TMEM248: variants seen among roughly 807,000 people sequenced by gnomAD.
TMEM248 encodes the protein UPF0458 protein C7orf42.
TMEM248 carries 9 observed loss-of-function variants against 30.3 expected under a neutral mutation model. That is an observed-to-expected ratio of 0.30 (90% confidence interval 0.18 to 0.52). TMEM248 has a LOEUF of 0.52. Among genes scored for constraint, TMEM248 ranks in the 20% least tolerant of loss-of-function variants. The pLI is 0.97. For synonymous variants in TMEM248, 184 were observed against 154.4 expected (o/e 1.19, Z -1.42); for missense variants, 338 against 403.3 (o/e 0.84, Z 1.39).
At position 66,956,484 on chromosome 7, in the gene TMEM248, T is replaced by C. The variant is rs1792406657; in HGVS notation, c.*962T>C. 6.6e-6 allele frequency: 1 copy of C among 152,222 alleles called. No homozygotes were observed. The highest frequency in any genetic ancestry group is 2.4e-5 in the African/African-American group (1 of 41,442). The allele number at this position is 152,222 out of a possible 1,614,324, so 9.4% of individuals were successfully genotyped here. ...TATCTAATAGGAAAGGATTTCTTCT[T>C]TCTTTTTTAAAGAGTGGGTGGATTT... On this transcript the variant is annotated 3_prime_UTR_variant, in exon 7 of 7. Coordinates refer to ENST00000341567, the MANE Select transcript of TMEM248 (RefSeq NM_017994.5).
chr7:66,926,309 A>C (rs1035032195), intron 1 of TMEM248, among the ~76,000 whole-genome samples: 2 of 152,218 alleles, frequency 1.3e-5, no homozygotes, highest in African/African-American at 4.8e-5. Context: ...CAGTAGCAAG[A>C]AAACAAAAAA....
At chr7:66,951,780 C>T (rs575997041) in intron 5 of TMEM248, among the ~76,000 whole-genome samples, 6 of 152,130 alleles carry the variant, frequency 3.9e-5, no homozygotes, top group African/African-American at 1.4e-4. Flanking sequence ...TGGGCTCAAG[C>T]TTCCCAAGTG....
chr7:66,951,058 C>T lies in TMEM248; in HGVS notation c.703C>T (p.Pro235Ser), dbSNP rs868859750. 1 of 1,612,946 alleles carries T rather than the reference C, an allele frequency of 6.2e-7. No homozygotes were observed. The highest frequency in any genetic ancestry group is 8.5e-7 in the Non-Finnish European group (1 of 1,179,694). ...ANTKYAQDYN[P>S]FWCYKGAIGK... ...CACAAAATACGCCCAAGATTACAAT[C>T]CTTTCTGGTGTTATAAGGGGGCCAT... Residue 235 changes from proline to serine, a missense_variant, in exon 5 of 7, where the codon CCT becomes TCT. Transcript: ENST00000341567.
chr7:66,942,058 G>A (rs1398402563), intron 2 of TMEM248, 34 bp downstream of exon 2: 1 of 1,602,888 alleles, frequency 6.2e-7, no homozygotes, highest in Admixed American at 1.7e-5. Context: ...CGGGCTGGCT[G>A]GTCCTTGTGC....
chr7:66,952,861 C>G (rs1239710430), intron 5 of TMEM248, among the ~76,000 whole-genome samples: 2 of 152,176 alleles, frequency 1.3e-5, no homozygotes, highest in Non-Finnish European at 2.9e-5. Flanking sequence ...TGAGGGCAGT[C>G]TTGTGACGAG....
At chr7:66,946,708 C>T (rs866956891) in intron 3 of TMEM248, among the ~76,000 whole-genome samples, 2 of 152,152 alleles carry the variant, frequency 1.3e-5, no homozygotes, top group African/African-American at 4.8e-5. Context: ...GGAAATGCTA[C>T]GTAAGTGCTT....
intron 4 of TMEM248, among the ~76,000 whole-genome samples, chr7:66,949,710 T>C (rs981233864): frequency 6.6e-5 from 10 of 152,224 alleles, no homozygotes; most frequent in African/African-American, 2.2e-4. Flanking sequence ...CAAATATAAA[T>C]TGAACTTTAT....
intron 1 of TMEM248, among the ~76,000 whole-genome samples, chr7:66,930,195 C>T (rs540364015): frequency 9.9e-5 from 15 of 152,280 alleles, no homozygotes; most frequent in African/African-American, 3.1e-4. Context: ...AGGTAAATGA[C>T]GGTGTTTTTC....
intron 1 of TMEM248, among the ~76,000 whole-genome samples, chr7:66,939,748 G>A (rs1417408392): frequency 6.6e-6 from 1 of 152,098 alleles, no homozygotes. Context: ...CAATATAAAG[G>A]AAATAAAGCA....
intron 1 of TMEM248, among the ~76,000 whole-genome samples, chr7:66,936,644 T>C (rs908729249): frequency 2.6e-5 from 4 of 152,186 alleles, no homozygotes; most frequent in African/African-American, 9.6e-5. Flanking sequence ...AGTTCTTCTT[T>C]TAGTGTTTGG....
At chr7:66,943,333 C>T (rs562429156) in intron 2 of TMEM248, among the ~76,000 whole-genome samples, 1 of 152,356 alleles carries the variant, frequency 6.6e-6, no homozygotes, top group South Asian at 2.1e-4. Flanking sequence ...GGATAATTAG[C>T]CCTTAATAAT....
At chr7:66,925,784 G>C (rs1280695235) in intron 1 of TMEM248, among the ~76,000 whole-genome samples, 1 of 150,982 alleles carries the variant, frequency 6.6e-6, no homozygotes, top group Non-Finnish European at 1.5e-5. Context: ...TGAGATTACA[G>C]GTGCACGCCA....
chr7:66,945,371 G>A (rs555891504), intron 3 of TMEM248, 110 bp downstream of exon 3: 30 of 1,248,024 alleles, frequency 2.4e-5, no homozygotes, highest in South Asian at 8.7e-5. Flanking sequence ...GTAGTCTTGC[G>A]CGTGTCTTTT....
At chr7:66,932,427 T>C (rs10235334) in intron 1 of TMEM248, among the ~76,000 whole-genome samples, 1 of 152,116 alleles carries the variant, frequency 6.6e-6, no homozygotes, top group African/African-American at 2.4e-5. Flanking sequence ...GTAAAGCGCC[T>C]TCTGTTGGTT....
intron 1 of TMEM248, among the ~76,000 whole-genome samples, chr7:66,938,411 C>G (rs1791859850): frequency 6.6e-6 from 1 of 151,966 alleles, no homozygotes; most frequent in African/African-American, 2.4e-5. Context: ...GTGAATATAC[C>G]AAAAATCATT....
rs907764591 is a variant in TMEM248 at position 66,948,649 on chromosome 7, C to T, written c.551C>T (p.Ala184Val). The change falls in exon 4 of 7, where the codon GCC becomes GTC. Residue 184 changes from alanine to valine, a missense_variant. Ala to Val is a moderately conservative substitution (Grantham distance 64). Coordinates refer to ENST00000341567, the MANE Select transcript of TMEM248 (RefSeq NM_017994.5). Reference sequence around the variant, plus strand: ...CACTGTGAGCAGGTGGTATTCACAGCCTGCATGACCCTCACGGCCAGCCCT... The same window carrying T: ...CACTGTGAGCAGGTGGTATTCACAGTCTGCATGACCCTCACGGCCAGCCCT... ...HGHCEQVVFT[A>V]CMTLTASPGV... 3.2e-5 allele frequency: 52 copies of T among 1,613,922 alleles called. No homozygotes were observed. Among genetic ancestry groups the T allele is most frequent in the Non-Finnish European group, 4.0e-5 (47 of 1,179,926 alleles).
chr7:66,950,069 A>G (rs1792220663), intron 4 of TMEM248, among the ~76,000 whole-genome samples: 1 of 152,178 alleles, frequency 6.6e-6, no homozygotes, highest in East Asian at 1.9e-4. Context: ...TAACTAAGTG[A>G]TATGCTTTGG....
intron 2 of TMEM248, among the ~76,000 whole-genome samples, chr7:66,944,695 A>G (rs547020031): frequency 3.3e-5 from 5 of 152,214 alleles, no homozygotes; most frequent in Non-Finnish European, 7.3e-5. Context: ...ATTTTTTAAA[A>G]AGATTTTCTT....
intron 1 of TMEM248, among the ~76,000 whole-genome samples, chr7:66,931,954 G>A (rs1171842652): frequency 1.3e-5 from 2 of 151,484 alleles, no homozygotes; most frequent in African/African-American, 2.4e-5. Flanking sequence ...ACAGGCGCCC[G>A]CCACCACACC....
Sources: allele counts gnomAD v4.1 joint callset (sites outside exome capture counted in the v4.1 genomes callset), GRCh38; gene constraint gnomAD v4.1.1; transcripts MANE v1.5; gene names NCBI Gene and HGNC (gene_info 2026-07-23, HGNC 2026-07-21).